The following CAPN2 variants were observed in gnomAD, a reference collection of about 807,000 sequenced individuals.
CAPN2 encodes calpain-2 catalytic subunit.
CAPN2 carries 92 observed loss-of-function variants against 102.3 expected under a neutral mutation model. That is an observed-to-expected ratio of 0.90 (90% CI 0.76 to 1.07). CAPN2 has a LOEUF of 1.07. Ranked by LOEUF, CAPN2 falls within the 50% of genes least tolerant of loss-of-function variation. The probability of loss-of-function intolerance (pLI) is 0.00; values close to 1 mark genes in which losing one functional copy is unlikely to be tolerated. For missense variants in CAPN2, 800 were observed against 909.4 expected (o/e 0.88, Z 1.55); for synonymous variants, 340 against 355.4 (o/e 0.96, Z 0.49).
At chr1:223,767,895 G>A (rs1249009786) in intron 16 of CAPN2, among the ~76,000 whole-genome samples, 2 of 151,158 alleles carry the variant, frequency 1.3e-5, no homozygotes, top group African/African-American at 2.4e-5. Flanking sequence ...ACTGGTGTGA[G>A]ATGGTATCTC....
chr1:223,724,264 A>G (rs1218601341), intron 2 of CAPN2, among the ~76,000 whole-genome samples: 1 of 152,026 alleles, frequency 6.6e-6, no homozygotes, highest in Non-Finnish European at 1.5e-5. Context: ...TCATCTGGGG[A>G]TTTGAGAAAT....
intron 3 of CAPN2, 126 bp from the exon 4 acceptor site, chr1:223,745,180 C>T: frequency 3.2e-6 from 4 of 1,248,998 alleles, no homozygotes; most frequent in Non-Finnish European, 3.4e-6. Flanking sequence ...GGGAGCACCT[C>T]CTCCCAGGAT....
chr1:223,761,604 C>T lies in CAPN2; in HGVS notation c.1553C>T (p.Ala518Val), dbSNP rs1661185959. ...DYQAVDDEIE[A>V]NLEEFDISED... ...AGAGCTGTCGATGATGAAATCGAGG[C>T]CAATCTTGAAGAGGTATTTGTAACT... The change falls in exon 13 of 21, where the codon GCC becomes GTC. Residue 518 changes from alanine (A) to valine (V), a missense_variant. Coordinates refer to ENST00000295006, the MANE Select transcript of CAPN2 (RefSeq NM_001748.5). The T allele has an allele frequency of 1.2e-6, 2 of 1,612,644 alleles. No homozygotes were observed. The highest frequency in any genetic ancestry group is 1.7e-6 in the Non-Finnish European group (2 of 1,178,872).
chr1:223,728,439 T>C (rs1158270366), intron 2 of CAPN2, among the ~76,000 whole-genome samples: 1 of 152,180 alleles, frequency 6.6e-6, no homozygotes, highest in East Asian at 1.9e-4. Context: ...ACCTGGGAGC[T>C]GTCTCATCTT....
chr1:223,722,708 AG>A (rs1162797627), intron 2 of CAPN2, among the ~76,000 whole-genome samples: 1 of 152,186 alleles, frequency 6.6e-6, no homozygotes, highest in African/African-American at 2.4e-5. Flanking sequence ...ATGATAATAC[AG>A]GAAGTTCCAG....
Position 223,748,984 on chromosome 1 carries a change from G to C in CAPN2, c.730-55G>C. 4.0e-6 allele frequency: 6 copies of C among 1,505,326 alleles called. No homozygotes were observed. In the East Asian group the frequency reaches 1.4e-4, roughly 34 times the overall value. 93.2% of individuals were successfully genotyped at this position (1,505,326 alleles called of 1,614,324 possible). A position where few individuals can be genotyped will look rare whatever the true frequency, so the allele number is the denominator to read the frequency against. On this transcript the variant is annotated intron_variant, in intron 5 of 20. Coordinates refer to ENST00000295006, the MANE Select transcript of CAPN2 (RefSeq NM_001748.5). The stretch of plus-strand genomic sequence containing the variant: ...GCAGTAGGACAGAGGGAGCGAGGGA[G>C]TCCGGGAGGAAGGGAGAGCGGGTGC...
At chr1:223,707,099 T>C (rs939933986) in intron 1 of CAPN2, among the ~76,000 whole-genome samples, 3 of 137,120 alleles carry the variant, frequency 2.2e-5, no homozygotes, top group East Asian at 2.1e-4. Context: ...AAAAAAAAAA[T>C]CCAGAACCTG....
intron 12 of CAPN2, among the ~76,000 whole-genome samples, chr1:223,760,597 T>A (rs1571814661): frequency 1.3e-5 from 2 of 152,302 alleles, no homozygotes; most frequent in East Asian, 3.9e-4. Context: ...AAGACTGGTG[T>A]GTTCAGTTTA....
chr1:223,764,162 T>G lies in CAPN2; in HGVS notation c.1645T>G (p.Ser549Ala). 1 of 1,614,010 alleles carries G rather than the reference T, an allele frequency of 6.2e-7. No individual in the cohort carries two copies. Among genetic ancestry groups the G allele is most frequent in the Non-Finnish European group, 8.5e-7 (1 of 1,179,892 alleles). Residue 549 changes from serine to alanine, a missense_variant, in exon 15 of 21, where the codon TCT becomes GCT. Ser to Ala is a moderately conservative substitution (Grantham distance 99). Coordinates refer to ENST00000295006, the MANE Select transcript of CAPN2 (RefSeq NM_001748.5). ...AQLAGEDAEI[S>A]AFELQTILRR... Reference sequence around the variant, plus strand: ...TATGTGTCCACAGGATGCGGAGATCTCTGCCTTTGAGCTGCAGACCATCCT... The same window carrying G: ...TATGTGTCCACAGGATGCGGAGATCGCTGCCTTTGAGCTGCAGACCATCCT...
intron 13 of CAPN2, among the ~76,000 whole-genome samples, chr1:223,761,900 C>T (rs1328259658): frequency 1.3e-5 from 2 of 152,146 alleles, no homozygotes; most frequent in Non-Finnish European, 2.9e-5. Flanking sequence ...AGAATAGATC[C>T]TAAAAGGCCA....
At chr1:223,767,065 A>C (rs149486322) in intron 16 of CAPN2, among the ~76,000 whole-genome samples, 16 of 152,158 alleles carry the variant, frequency 1.1e-4, no homozygotes, top group African/African-American at 3.9e-4. Context: ...AAGCAGCTCG[A>C]ATTTGTTTCC....
chr1:223,771,903 G>T lies in CAPN2; in HGVS notation c.1998G>T (p.Leu666Phe). The change falls in exon 19 of 21, where the codon TTG (leucine) becomes TTT (phenylalanine). Residue 666 changes from leucine (L) to phenylalanine (F), a missense_variant. Physicochemically the swap from Leu to Phe is conservative, Grantham distance 22. Transcript: ENST00000295006. ...IIDFDNFVRCLVRLETLFKIF... is the reference protein window; with the variant it reads ...IIDFDNFVRCFVRLETLFKIF... ...ATTTTGATAATTTTGTTCGGTGTTT[G>T]GTTCGGCTGGAAACGCTATTCAGTA... 1 of 1,613,322 alleles carries T rather than the reference G, an allele frequency of 6.2e-7. No individual in the cohort carries two copies. The highest frequency in any genetic ancestry group is 1.7e-5 in the Admixed American group (1 of 60,014).
chr1:223,748,943 C>A, intron 5 of CAPN2, 96 bp from the exon 6 acceptor site: 1 of 1,151,402 alleles, frequency 8.7e-7, no homozygotes, highest in East Asian at 2.5e-5. Context: ...GCTAGTGCGT[C>A]CGGCGGTCCC....
chr1:223,727,844 A>T lies in CAPN2; in HGVS notation c.307+10013A>T, dbSNP rs891393295. 6.6e-6 allele frequency among the ~76,000 whole-genome samples: 1 copy of T among 152,148 alleles called. No individual in the cohort carries two copies. Among genetic ancestry groups the T allele is most frequent in the African/African-American group, 2.4e-5 (1 of 41,434 alleles). ...TCCCTGCTTCTTGGAGAATGGTTCC[A>T]CTGGCAGGCCATTCCGTCTGCTCAG... On this transcript the variant is annotated intron_variant, in intron 2 of 20. Coordinates refer to ENST00000295006, the MANE Select transcript of CAPN2 (RefSeq NM_001748.5). The surrounding 1 kb of genome is among the most constrained non-coding windows in gnomAD (Gnocchi z 4.1).
intron 18 of CAPN2, chr1:223,771,164 C>A (rs751009824): frequency 1.1e-3 from 167 of 153,284 alleles, no homozygotes; most frequent in Non-Finnish European, 1.9e-3. Context: ...TCCATGATGC[C>A]CACCGGACCT....
At position 223,764,164 on chromosome 1, in the gene CAPN2, T is replaced by C. The variant is rs528002968; in HGVS notation, c.1647T>C (p.Ser549=). The change falls in exon 15 of 21, where the codon TCT becomes TCC. Residue 549 remains serine, a synonymous_variant. Transcript: ENST00000295006. ...TGTGTCCACAGGATGCGGAGATCTC[T>C]GCCTTTGAGCTGCAGACCATCCTGA... The part of the protein sequence containing the change: ...AQLAGEDAEI[S]AFELQTILRR... 2 of 1,613,972 alleles carry C rather than the reference T, an allele frequency of 1.2e-6. No homozygotes were observed. Among genetic ancestry groups the C allele is most frequent in the Non-Finnish European group, 1.7e-6 (2 of 1,179,866 alleles).
intron 2 of CAPN2, among the ~76,000 whole-genome samples, chr1:223,719,204 G>T (rs758896160): frequency 3.9e-5 from 6 of 152,176 alleles, no homozygotes; most frequent in Non-Finnish European, 7.3e-5. Flanking sequence ...TAGAGAAAAT[G>T]GAATTGATGG....
At chr1:223,733,402 C>T (rs566775007) in intron 2 of CAPN2, among the ~76,000 whole-genome samples, 2 of 152,336 alleles carry the variant, frequency 1.3e-5, no homozygotes, top group African/African-American at 4.8e-5. Context: ...AGCCAACCTT[C>T]AGGATGCAGA....
At chr1:223,704,726 G>T (rs1558375881) in intron 1 of CAPN2, among the ~76,000 whole-genome samples, 1 of 152,234 alleles carries the variant, frequency 6.6e-6, no homozygotes, top group Non-Finnish European at 1.5e-5. Flanking sequence ...ACTGGGCTCA[G>T]CCCTGTGCCT....
Sources: allele counts gnomAD v4.1 joint callset (sites outside exome capture counted in the v4.1 genomes callset), GRCh38; gene constraint gnomAD v4.1.1; non-coding constraint Gnocchi (gnomAD v3.1); transcripts MANE v1.5; gene names NCBI Gene and HGNC (gene_info 2026-07-23, HGNC 2026-07-21).